The following ENOX1 variants were observed in gnomAD, a reference collection of about 807,000 sequenced individuals.
The protein encoded by ENOX1 is ecto-NOX disulfide-thiol exchanger 1.
Under a neutral mutation model 82.5 loss-of-function variants are expected in ENOX1, and 42 were observed. The ratio of observed to expected loss-of-function variants is 0.51; its 90% CI spans 0.40 to 0.66. The LOEUF is 0.66. Among genes scored for constraint, ENOX1 ranks in the 30% least tolerant of loss-of-function variants. ENOX1 has a pLI of 0.00. For missense variants in ENOX1, 608 were observed against 811.6 expected (o/e 0.75, Z 3.05); for synonymous variants, 271 against 282.2 (o/e 0.96, Z 0.40).
intron 2 of ENOX1, among the ~76,000 whole-genome samples, chr13:43,532,114 T>A: frequency 6.6e-6 from 1 of 152,204 alleles, no homozygotes; most frequent in Non-Finnish European, 1.5e-5. Flanking sequence ...AAAGTTTTAA[T>A]TTTTAACATG....
At chr13:43,405,594 G>C (rs1455141950) in intron 5 of ENOX1, among the ~76,000 whole-genome samples, 1 of 150,212 alleles carries the variant, frequency 6.7e-6, no homozygotes, top group Non-Finnish European at 1.5e-5. Flanking sequence ...AAGTCTAGAA[G>C]CCTAGGAGTC....
At chr13:43,690,516 C>A (rs927776392) in intron 1 of ENOX1, among the ~76,000 whole-genome samples, 1 of 152,158 alleles carries the variant, frequency 6.6e-6, no homozygotes, top group Non-Finnish European at 1.5e-5. Flanking sequence ...GCATTTTACT[C>A]TTCCTTTACT....
At chr13:43,454,371 G>A (rs2057121178) in intron 3 of ENOX1, among the ~76,000 whole-genome samples, 1 of 151,840 alleles carries the variant, frequency 6.6e-6, no homozygotes, top group Admixed American at 6.6e-5. Context: ...TTAATCTATA[G>A]TCTTGTCCAG....
intron 1 of ENOX1, among the ~76,000 whole-genome samples, chr13:43,705,528 C>T (rs959755173): frequency 6.6e-6 from 1 of 151,654 alleles, no homozygotes; most frequent in Admixed American, 6.6e-5. Context: ...GCCTGTATGG[C>T]TATATAAATA....
At chr13:43,503,926 C>T (rs757578907) in intron 2 of ENOX1, among the ~76,000 whole-genome samples, 1 of 151,472 alleles carries the variant, frequency 6.6e-6, no homozygotes, top group East Asian at 1.9e-4. Context: ...GGGAGAAAAC[C>T]TTTGCAAAAT....
intron 1 of ENOX1, among the ~76,000 whole-genome samples, chr13:43,721,737 T>G (rs561132424): frequency 6.6e-6 from 1 of 152,154 alleles, no homozygotes; most frequent in East Asian, 1.9e-4. Context: ...GGCCCCACAT[T>G]TTCATTTTGC....
intron 2 of ENOX1, among the ~76,000 whole-genome samples, chr13:43,627,801 A>G (rs2083031851): frequency 6.6e-6 from 1 of 151,894 alleles, no homozygotes. Flanking sequence ...GGGCAGGTTT[A>G]AGGTGACTAA....
intron 5 of ENOX1, among the ~76,000 whole-genome samples, chr13:43,376,632 A>G (rs911302228): frequency 6.6e-6 from 1 of 152,222 alleles, no homozygotes; most frequent in African/African-American, 2.4e-5. Context: ...GAGTTATATG[A>G]CTGACACAGT....
chr13:43,712,842 A>G (rs1449283848), intron 1 of ENOX1, among the ~76,000 whole-genome samples: 1 of 151,034 alleles, frequency 6.6e-6, no homozygotes, highest in Non-Finnish European at 1.5e-5. Context: ...TAGATAAACA[A>G]TCATGTCATC....
chr13:43,624,018 G>A (rs1370176399), intron 2 of ENOX1, among the ~76,000 whole-genome samples: 3 of 152,032 alleles, frequency 2.0e-5, no homozygotes, highest in South Asian at 2.1e-4. Flanking sequence ...CATTTTTCAG[G>A]GTGGCTGTAC....
chr13:43,492,310 TG>T (rs1438828854), intron 2 of ENOX1, among the ~76,000 whole-genome samples: 30 of 152,186 alleles, frequency 2.0e-4, no homozygotes, highest in African/African-American at 7.2e-4. Flanking sequence ...GCCTGGCCAT[TG>T]CTTTGACTGA....
chr13:43,483,887 G>GA, intron 3 of ENOX1, 122 bp downstream of exon 3: 1 of 459,616 alleles, frequency 2.2e-6, no homozygotes. Context: ...ATTAAGAAAT[G>GA]AAAATCTGTT....
chr13:43,266,498 A>G (rs537029472), intron 13 of ENOX1, among the ~76,000 whole-genome samples: 1 of 152,304 alleles, frequency 6.6e-6, no homozygotes, highest in African/African-American at 2.4e-5. Flanking sequence ...GGTAACATGA[A>G]GAAATTGAGG....
intron 1 of ENOX1, among the ~76,000 whole-genome samples, chr13:43,742,974 T>C (rs763704115): frequency 6.6e-6 from 1 of 152,226 alleles, no homozygotes; most frequent in Non-Finnish European, 1.5e-5. Flanking sequence ...AAACAATTTC[T>C]GTTTCATTGA....
chr13:43,380,634 AT>A (rs1394973305), intron 5 of ENOX1, among the ~76,000 whole-genome samples: 4 of 151,784 alleles, frequency 2.6e-5, no homozygotes, highest in African/African-American at 7.2e-5. Flanking sequence ...CAGATTGGAT[AT>A]AAAAACTATA....
At chr13:43,489,129 A>ATT (rs2076532686) in intron 2 of ENOX1, among the ~76,000 whole-genome samples, 1 of 152,154 alleles carries the variant, frequency 6.6e-6, no homozygotes, top group South Asian at 2.1e-4. Flanking sequence ...GCCATTGACA[A>ATT]TGCACCAATG....
intron 5 of ENOX1, among the ~76,000 whole-genome samples, chr13:43,406,492 CT>C (rs58818536): frequency 0.57 from 65,312 of 113,846 alleles, 18,607 homozygotes; most frequent in Non-Finnish European, 0.74. Context: ...AGTATGTTGT[CT>C]TTTTTTTTTT....
chr13:43,352,467 G>T (rs890109211), intron 8 of ENOX1, among the ~76,000 whole-genome samples: 1 of 152,180 alleles, frequency 6.6e-6, no homozygotes. Flanking sequence ...GGGGTGGATG[G>T]TCTGTGTTAG....
At chr13:43,459,891 T>C (rs984207902) in intron 3 of ENOX1, among the ~76,000 whole-genome samples, 1 of 152,004 alleles carries the variant, frequency 6.6e-6, no homozygotes, top group Admixed American at 6.6e-5. Context: ...CTACTCAGGA[T>C]GCTGAGGCAG....
Sources: gnomAD v4.1 joint callset for allele counts (sites outside exome capture counted in the v4.1 genomes callset) on GRCh38, gnomAD v4.1.1 for gene constraint, MANE v1.5 for transcripts, NCBI Gene and HGNC (gene_info 2026-07-23, HGNC 2026-07-21) for gene names.